PTPRN2: variants seen among roughly 807,000 people sequenced by gnomAD.
PTPRN2 encodes receptor-type tyrosine-protein phosphatase N2.
A neutral mutation model predicts 118.8 loss-of-function variants in PTPRN2; 74 were observed. That is an observed-to-expected ratio of 0.62 (90% CI 0.52 to 0.76). The LOEUF (loss-of-function observed/expected upper bound fraction) is 0.76. Ranked by LOEUF, PTPRN2 falls within the 30% of genes least tolerant of loss-of-function variation. The pLI is 0.00. For missense variants in PTPRN2, 1,481 were observed against 1,394.4 expected, an observed-to-expected ratio of 1.06 and a Z score of -0.99; for synonymous variants, 641 against 608.0, an observed-to-expected ratio of 1.05 and a Z score of -0.80.
chr7:158,147,357 T>C (rs1563511198), intron 6 of PTPRN2, among the ~76,000 whole-genome samples: 1 of 54,776 alleles, frequency 1.8e-5, no homozygotes, highest in Non-Finnish European at 3.1e-5. Context: ...TCACGCCACG[T>C]ATCTTTCCCC....
chr7:157,802,521 A>G (rs1255029977), intron 12 of PTPRN2, among the ~76,000 whole-genome samples: 1 of 152,192 alleles, frequency 6.6e-6, no homozygotes, highest in Non-Finnish European at 1.5e-5. Context: ...TCCTGTGAAC[A>G]ATGCCGTGAT....
At chr7:157,730,434 G>A (rs1310431226) in intron 12 of PTPRN2, among the ~76,000 whole-genome samples, 1 of 152,220 alleles carries the variant, frequency 6.6e-6, no homozygotes, top group Non-Finnish European at 1.5e-5. Flanking sequence ...TTAAGCCCCT[G>A]AGCCCCCTTT....
chr7:157,778,991 G>A (rs552365868), intron 12 of PTPRN2, among the ~76,000 whole-genome samples: 1 of 152,214 alleles, frequency 6.6e-6, no homozygotes, highest in Non-Finnish European at 1.5e-5. Context: ...TGCTGGAAAC[G>A]GGCCACAGCG....
In PTPRN2 at chr7:158,334,904, A is replaced by T. The variant is rs562705026; in HGVS notation, c.164-17972T>A. ...TAGCTGTCGTCCGGAGGCGTCACTC[A>T]CACCCACACTCTCACCATAAGCGCT... On this transcript the variant is annotated intron_variant, in intron 2 of 22. Transcript: ENST00000389418. Among the ~76,000 whole-genome samples, 56 of 13,860 alleles carry T rather than the reference A, an allele frequency of 4.0e-3. 1 individual carries two copies. The highest frequency in any genetic ancestry group is 9.2e-3 in the African/African-American group (55 of 5,994). The allele number at this position is 13,860 out of a possible 152,430, so 9.1% of individuals were successfully genotyped here.
intron 3 of PTPRN2, among the ~76,000 whole-genome samples, chr7:158,315,037 C>G (rs374118586): frequency 1.4e-5 from 2 of 139,218 alleles, no homozygotes. Flanking sequence ...GGGACGCCCT[C>G]AAGGACAGAG....
intron 11 of PTPRN2, among the ~76,000 whole-genome samples, chr7:158,040,754 A>ATGGAATCT (rs1808407714): frequency 2.3e-5 from 1 of 43,514 alleles, no homozygotes; most frequent in African/African-American, 9.0e-5. Flanking sequence ...TTTTTTTGAG[A>ATGGAATCT]TGGAATCTCA....
chr7:157,699,010 A>G (rs1292896342), intron 12 of PTPRN2, among the ~76,000 whole-genome samples: 1 of 152,254 alleles, frequency 6.6e-6, no homozygotes, highest in Non-Finnish European at 1.5e-5. Context: ...TCTGTGAAGA[A>G]TAACCAGGTC....
chr7:158,096,800 G>T (rs545562748), intron 10 of PTPRN2, among the ~76,000 whole-genome samples: 4 of 152,214 alleles, frequency 2.6e-5, no homozygotes, highest in Admixed American at 6.5e-5. Flanking sequence ...AACATTGCCC[G>T]TGAGGGCCGG....
chr7:158,499,271 C>T (rs1018399443), intron 1 of PTPRN2, among the ~76,000 whole-genome samples: 5 of 152,092 alleles, frequency 3.3e-5, no homozygotes, highest in African/African-American at 1.2e-4. Flanking sequence ...GGGCCTGGGA[C>T]GGAGCCAAAG....
rs1002129256 is a variant in PTPRN2 at position 158,003,598 on chromosome 7, G to A, written c.1723+77700C>T. On this transcript the variant is annotated intron_variant, in intron 11 of 22. Transcript: ENST00000389418. The surrounding 1 kb of genome is among the most constrained non-coding windows in gnomAD (Gnocchi z 5.0). ...CCCCAGGAACAAGCCCTGCCCACAG[G>A]CGTCCCAGACCCAGGCCTTGGGGAC... Among the ~76,000 whole-genome samples the A allele has an allele frequency of 2.0e-5, 3 of 152,090 alleles. No individual in the cohort carries two copies. Among genetic ancestry groups the A allele is most frequent in the Admixed American group, 6.5e-5 (1 of 15,274 alleles).
chr7:158,475,150 G>A (rs749905977), intron 2 of PTPRN2, among the ~76,000 whole-genome samples: 30 of 151,980 alleles, frequency 2.0e-4, no homozygotes, highest in South Asian at 1.0e-3. Context: ...GGTGGCAGGC[G>A]GGAGGGCTCA....
At chr7:158,098,855 G>A (rs916489708) in intron 10 of PTPRN2, among the ~76,000 whole-genome samples, 2 of 151,980 alleles carry the variant, frequency 1.3e-5, no homozygotes, top group African/African-American at 2.4e-5. Flanking sequence ...ACGGGGCCGC[G>A]GGGAGGGCCG....
chr7:158,178,589 C>CTTTTTTTT (rs56710690), intron 5 of PTPRN2, among the ~76,000 whole-genome samples: 3 of 67,378 alleles, frequency 4.5e-5, no homozygotes, highest in Non-Finnish European at 5.5e-5. Context: ...CATTTTCTTT[C>CTTTTTTTT]TTTTTTTTTT....
At chr7:158,398,915 CTT>C (rs1812735000) in intron 2 of PTPRN2, among the ~76,000 whole-genome samples, 1 of 152,204 alleles carries the variant, frequency 6.6e-6, no homozygotes. Context: ...AATATTGTGA[CTT>C]TGTAAATGCT....
Position 158,408,078 on chromosome 7 carries a change from A to C in PTPRN2, c.163+81657T>G, listed in dbSNP as rs532715401. ...AAAGGAAAAGGCAACACTTAGACCAAATGCTGAAGTCAACGTGACATGTAG... is the reference window on the plus strand; with the variant it reads ...AAAGGAAAAGGCAACACTTAGACCACATGCTGAAGTCAACGTGACATGTAG... On this transcript the variant is annotated intron_variant, in intron 2 of 22. Transcript: ENST00000389418. Among the ~76,000 whole-genome samples the C allele has an allele frequency of 2.0e-3, 307 of 152,312 alleles. 1 individual carries two copies. The highest frequency in any genetic ancestry group is 6.8e-3 in the Middle Eastern group (2 of 294).
chr7:157,589,915 TGCCGAG>T (rs1800892787), intron 17 of PTPRN2, among the ~76,000 whole-genome samples: 1 of 152,262 alleles, frequency 6.6e-6, no homozygotes, highest in South Asian at 2.1e-4. Context: ...TGGTGCTCTA[TGCCGAG>T]GACGGCTTTT....
intron 14 of PTPRN2, among the ~76,000 whole-genome samples, chr7:157,652,642 G>T (rs1357353468): frequency 1.3e-5 from 2 of 152,110 alleles, no homozygotes; most frequent in South Asian, 2.1e-4. Context: ...TGTTCCACCT[G>T]CTGGGACACC....
intron 2 of PTPRN2, among the ~76,000 whole-genome samples, chr7:158,324,175 A>G (rs1363679917): frequency 6.6e-6 from 1 of 152,138 alleles, no homozygotes; most frequent in Non-Finnish European, 1.5e-5. Flanking sequence ...CGCATAGACA[A>G]GACGGCACCT....
At chr7:158,078,711 G>A (rs962971297) in intron 11 of PTPRN2, among the ~76,000 whole-genome samples, 8 of 152,274 alleles carry the variant, frequency 5.3e-5, no homozygotes, top group Middle Eastern at 3.4e-3. Context: ...GCCAATGGGC[G>A]AGTCACCAGT....
Sources: allele counts gnomAD v4.1 joint callset (sites outside exome capture counted in the v4.1 genomes callset), GRCh38; gene constraint gnomAD v4.1.1; non-coding constraint Gnocchi (gnomAD v3.1); transcripts MANE v1.5; gene names NCBI Gene and HGNC (gene_info 2026-07-23, HGNC 2026-07-21).